NEGR1: variants seen among roughly 807,000 people sequenced by gnomAD.
NEGR1 encodes IgLON family member 4.
A neutral mutation model predicts 40.9 loss-of-function variants in NEGR1; 10 were observed. The observed-to-expected ratio is 0.24, with a 90% confidence interval of 0.15 to 0.42. NEGR1 has a LOEUF of 0.42. NEGR1 is among the 10% of genes least tolerant of loss of function. NEGR1 has a pLI of 1.00. For missense variants in NEGR1, 352 were observed against 438.9 expected (o/e 0.80, Z 1.77); for synonymous variants, 185 against 166.8 (o/e 1.11, Z -0.84).
chr1:71,685,323 CTTTTT>C (rs10667208), intron 4 of NEGR1, among the ~76,000 whole-genome samples: 22 of 136,640 alleles, frequency 1.6e-4, no homozygotes, highest in African/African-American at 5.6e-4. Context: ...ATTGACATTA[CTTTTT>C]TTTTTTTTTT....
intron 1 of NEGR1, among the ~76,000 whole-genome samples, chr1:72,047,715 A>C (rs1647015209): frequency 6.6e-6 from 1 of 151,460 alleles, no homozygotes; most frequent in South Asian, 2.1e-4. Context: ...GAAGCCATGA[A>C]AAATCCAGAA....
intron 2 of NEGR1, among the ~76,000 whole-genome samples, chr1:71,865,569 G>T (rs1660087602): frequency 6.6e-6 from 1 of 152,090 alleles, no homozygotes; most frequent in Non-Finnish European, 1.5e-5. Context: ...CATGGACACA[G>T]GGAGGGGAAC....
At chr1:72,252,300 T>C (rs1422008165) in intron 1 of NEGR1, among the ~76,000 whole-genome samples, 3 of 152,090 alleles carry the variant, frequency 2.0e-5, no homozygotes, top group Admixed American at 6.6e-5. Context: ...CACCTCAGCC[T>C]CCCAAAGTGC....
intron 1 of NEGR1, among the ~76,000 whole-genome samples, chr1:71,941,651 T>C (rs1379420682): frequency 1.3e-5 from 2 of 152,114 alleles, no homozygotes; most frequent in Non-Finnish European, 2.9e-5. Flanking sequence ...TTAGAGATGA[T>C]AAGAATTGTA....
chr1:71,785,808 G>T (rs775869785), intron 2 of NEGR1, among the ~76,000 whole-genome samples: 2 of 152,170 alleles, frequency 1.3e-5, no homozygotes, highest in Non-Finnish European at 2.9e-5. Flanking sequence ...AGAACCCAAT[G>T]TCTACCCTTG....
chr1:71,685,685 C>T (rs1004895586), intron 4 of NEGR1, among the ~76,000 whole-genome samples: 1 of 152,144 alleles, frequency 6.6e-6, no homozygotes, highest in Admixed American at 6.5e-5. Flanking sequence ...CACGTGTGTA[C>T]TCCACTTCCC....
intron 6 of NEGR1, among the ~76,000 whole-genome samples, chr1:71,513,383 T>C (rs6669174): frequency 0.02 from 3,040 of 152,276 alleles, 92 homozygotes; most frequent in African/African-American, 0.07. Flanking sequence ...CTCAGTTTTG[T>C]GGGACCAGAA....
At chr1:71,744,375 T>G (rs992389613) in intron 3 of NEGR1, among the ~76,000 whole-genome samples, 18 of 145,852 alleles carry the variant, frequency 1.2e-4, no homozygotes, top group Non-Finnish European at 4.5e-5. Flanking sequence ...ATAATAATAA[T>G]AAGCCAGGCA....
rs1199488859 is a variant in NEGR1 at position 71,781,734 on chromosome 1, TC to T, written c.410-5438del. On this transcript the variant is annotated intron_variant, in intron 2 of 6. Coordinates refer to ENST00000357731, the MANE Select transcript of NEGR1 (RefSeq NM_173808.3). The stretch of plus-strand genomic sequence containing the variant: ...ATAGGGGAGTGCACCGAATGCCCTC[TC>T]ATTCATTCTCTGAAGTTGTAGACTC... Among the ~76,000 whole-genome samples, 4 of 152,198 alleles carry T rather than the reference TC, an allele frequency of 2.6e-5. No individual in the cohort carries two copies. In the East Asian group the frequency reaches 7.7e-4, roughly 29 times the overall value.
At chr1:71,772,705 C>T (rs1206877035) in intron 3 of NEGR1, among the ~76,000 whole-genome samples, 1 of 151,922 alleles carries the variant, frequency 6.6e-6, no homozygotes, top group Non-Finnish European at 1.5e-5. Context: ...CAGAAATTAA[C>T]ACGGAGATAT....
chr1:71,606,645 G>C (rs1016902100), intron 5 of NEGR1, among the ~76,000 whole-genome samples: 1 of 152,042 alleles, frequency 6.6e-6, no homozygotes, highest in African/African-American at 2.4e-5. Context: ...GAAGTCCCTT[G>C]TGTCTCAGTT....
chr1:71,848,162 T>C (rs1659484932), intron 2 of NEGR1, among the ~76,000 whole-genome samples: 1 of 152,172 alleles, frequency 6.6e-6, no homozygotes, highest in Admixed American at 6.6e-5. Flanking sequence ...TAATAGAGGT[T>C]GGTTCATGAG....
chr1:72,219,329 TATTA>T (rs1486371692), intron 1 of NEGR1, among the ~76,000 whole-genome samples: 1 of 152,064 alleles, frequency 6.6e-6, no homozygotes, highest in African/African-American at 2.4e-5. Flanking sequence ...GTTCTTAGAG[TATTA>T]ATTAAAATTG....
At chr1:71,499,412 T>TTA (rs1327824094) in intron 6 of NEGR1, among the ~76,000 whole-genome samples, 5 of 149,040 alleles carry the variant, frequency 3.4e-5, no homozygotes, top group African/African-American at 9.8e-5. Context: ...TTGCACATAG[T>TTA]TATATATATA....
chr1:72,232,327 G>A (rs2100499892), intron 1 of NEGR1, among the ~76,000 whole-genome samples: 1 of 151,438 alleles, frequency 6.6e-6, no homozygotes, highest in East Asian at 1.9e-4. Context: ...ACTGACTCCA[G>A]CCTGGGTGAC....
At chr1:71,701,145 C>T (rs1356051533) in intron 3 of NEGR1, among the ~76,000 whole-genome samples, 3 of 151,986 alleles carry the variant, frequency 2.0e-5, no homozygotes, top group South Asian at 2.1e-4. Context: ...TAAATTTTTG[C>T]TCTTTTTAGC....
intron 6 of NEGR1, among the ~76,000 whole-genome samples, chr1:71,434,110 T>C (rs939446166): frequency 6.6e-6 from 1 of 152,088 alleles, no homozygotes; most frequent in African/African-American, 2.4e-5. Context: ...TCAATAAATA[T>C]ATTGAGAAAG....
intron 2 of NEGR1, among the ~76,000 whole-genome samples, chr1:71,781,437 G>A (rs1656711253): frequency 6.6e-6 from 1 of 152,142 alleles, no homozygotes; most frequent in African/African-American, 2.4e-5. Flanking sequence ...TTTGGATCTG[G>A]ATAGTTGCAC....
chr1:72,161,011 A>G (rs542082919), intron 1 of NEGR1, among the ~76,000 whole-genome samples: 3 of 152,256 alleles, frequency 2.0e-5, no homozygotes, highest in Admixed American at 6.5e-5. Flanking sequence ...AATAGGGGCA[A>G]TTAGGTGGAT....
Sources: allele counts gnomAD v4.1 joint callset (sites outside exome capture counted in the v4.1 genomes callset), GRCh38; gene constraint gnomAD v4.1.1; transcripts MANE v1.5; gene names NCBI Gene and HGNC (gene_info 2026-07-23, HGNC 2026-07-21).